The following ZNF827 variants were observed in gnomAD, a reference collection of about 807,000 sequenced individuals.
The protein encoded by ZNF827 is zinc finger protein 827.
Under a neutral mutation model 102.4 loss-of-function variants are expected in ZNF827, and 13 were observed. That is an observed-to-expected ratio of 0.13 (90% CI 0.08 to 0.20). ZNF827 has a LOEUF of 0.20. Ranked by LOEUF, ZNF827 falls within the 10% of genes least tolerant of loss-of-function variation. The pLI is 1.00. For synonymous variants in ZNF827, 523 were observed against 536.2 expected, an observed-to-expected ratio of 0.98 and a Z score of 0.34; for missense variants, 1,103 against 1,344.4, an observed-to-expected ratio of 0.82 and a Z score of 2.81.
chr4:145,814,708 G>C (rs1050209253), intron 8 of ZNF827, among the ~76,000 whole-genome samples: 1 of 147,520 alleles, frequency 6.8e-6, no homozygotes, highest in African/African-American at 2.5e-5. Context: ...CGGATCACCT[G>C]AAGTCAGGAG....
chr4:145,902,536 G>A lies in ZNF827; in HGVS notation c.723C>T (p.Ser241=), dbSNP rs1751509072. The A allele has an allele frequency of 6.2e-7, 1 of 1,614,014 alleles. No individual in the cohort carries two copies. Among genetic ancestry groups the A allele is most frequent in the African/African-American group, 1.3e-5 (1 of 74,902 alleles). Reference sequence around the variant, plus strand: ...TGGCAGACTGGGAGCTAAAAGGGGAGGAAAAGGACTCAAATCGCATGGTCT... The same window carrying A: ...TGGCAGACTGGGAGCTAAAAGGGGAAGAAAAGGACTCAAATCGCATGGTCT... ...TEETMRFESF[S]SPFSSQSASS... is the part of the protein sequence containing the mutation. Residue 241 remains serine, a synonymous_variant, in exon 2 of 15, where the codon TCC becomes TCT. Transcript: ENST00000508784. The surrounding 1 kb of genome is among the most constrained non-coding windows in gnomAD (Gnocchi z 4.3).
Position 145,917,266 on chromosome 4 carries a change from A to G in ZNF827, c.44-14051T>C, listed in dbSNP as rs76781796. 3.0e-3 allele frequency among the ~76,000 whole-genome samples: 457 copies of G among 152,314 alleles called. 3 individuals carry two copies. Among genetic ancestry groups the G allele is most frequent in the Non-Finnish European group, 5.4e-3 (365 of 68,026 alleles). ...GTCTCAGTCCATTTTATGTTGCTAT[A>G]ACAAAACACGCACGACCAGATAATT... On this transcript the variant is annotated intron_variant, in intron 1 of 14. Coordinates refer to ENST00000508784, the MANE Select transcript of ZNF827 (RefSeq NM_001306215.2).
At chr4:145,937,057 G>C (rs573454759) in intron 1 of ZNF827, among the ~76,000 whole-genome samples, 1 of 151,702 alleles carries the variant, frequency 6.6e-6, no homozygotes, top group Non-Finnish European at 1.5e-5. Flanking sequence ...GGGCGGCCCC[G>C]GGGGATATTT....
chr4:145,759,789 A>C lies in ZNF827; in HGVS notation c.*1827T>G, dbSNP rs774520459. 5 of 152,008 alleles carry C rather than the reference A, an allele frequency of 3.3e-5. No individual in the cohort carries two copies. Among genetic ancestry groups the C allele is most frequent in the Non-Finnish European group, 7.4e-5 (5 of 68,022 alleles). 9.4% of individuals were successfully genotyped at this position (152,008 alleles called of 1,614,324 possible). A position where few individuals can be genotyped will look rare whatever the true frequency, so the allele number is the denominator to read the frequency against. ...GTCTGAGCATTTATACCCAGAATTTATCCAAACCCCTTTTAATCTCCTTGG... is the reference window on the plus strand; with the variant it reads ...GTCTGAGCATTTATACCCAGAATTTCTCCAAACCCCTTTTAATCTCCTTGG... On this transcript the variant is annotated 3_prime_UTR_variant, in exon 15 of 15. Transcript: ENST00000508784.
intron 7 of ZNF827, among the ~76,000 whole-genome samples, chr4:145,828,215 AG>A (rs147655214): frequency 0.01 from 1,597 of 152,304 alleles, 23 homozygotes; most frequent in African/African-American, 0.036. Context: ...GTTCCAGAAA[AG>A]GAGCCAGTTT....
chr4:145,915,808 C>T (rs1752627626), intron 1 of ZNF827, among the ~76,000 whole-genome samples: 1 of 152,208 alleles, frequency 6.6e-6, no homozygotes, highest in African/African-American at 2.4e-5. Flanking sequence ...ACAAATTTCC[C>T]TCCAGCTGTA....
intron 9 of ZNF827, among the ~76,000 whole-genome samples, chr4:145,777,322 C>G (rs545414424): frequency 6.6e-6 from 1 of 152,270 alleles, no homozygotes; most frequent in Admixed American, 6.5e-5. Context: ...AACTGTGGAG[C>G]TTTTTAAATC....
At chr4:145,836,131 C>G (rs987077036) in intron 7 of ZNF827, among the ~76,000 whole-genome samples, 4 of 152,000 alleles carry the variant, frequency 2.6e-5, no homozygotes, top group African/African-American at 9.7e-5. Context: ...CAGACAGCCC[C>G]CGTTACTTCA....
rs532504468 is a variant in ZNF827, at chr4:145,758,058, A to G, written c.*3558T>C. ...AACTGCAAACCAAATTCAGGGGTACATATTTTCTAGGGTGGAGTCTGAAAA... is the reference window on the plus strand; with the variant it reads ...AACTGCAAACCAAATTCAGGGGTACGTATTTTCTAGGGTGGAGTCTGAAAA... On this transcript the variant is annotated 3_prime_UTR_variant, in exon 15 of 15. Transcript: ENST00000508784. 1.6e-4 allele frequency: 25 copies of G among 152,320 alleles called. No homozygotes were observed. The highest frequency in any genetic ancestry group is 5.5e-4 in the African/African-American group (23 of 41,576). 9.4% of individuals were successfully genotyped at this position (152,320 alleles called of 1,614,324 possible). A position where few individuals can be genotyped will look rare whatever the true frequency, so the allele number is the denominator to read the frequency against.
chr4:145,934,718 C>A (rs570006252), intron 1 of ZNF827, among the ~76,000 whole-genome samples: 1 of 152,256 alleles, frequency 6.6e-6, no homozygotes, highest in East Asian at 1.9e-4. Flanking sequence ...CTTTGTAGAT[C>A]CAGACTGTGT....
At chr4:145,897,787 G>A (rs545171549) in intron 2 of ZNF827, among the ~76,000 whole-genome samples, 1 of 152,296 alleles carries the variant, frequency 6.6e-6, no homozygotes, top group East Asian at 1.9e-4. Context: ...ATGACGGACA[G>A]TTCTAAAAAT....
rs912907222 is a variant in ZNF827 at position 145,762,378 on chromosome 4, T to C, written c.*17+712A>G. Reference sequence around the variant, plus strand: ...ACTGCTATCTGGAGCTCGAAGACATTATTAATACATGATTATGCCGGAGAT... The same window carrying C: ...ACTGCTATCTGGAGCTCGAAGACATCATTAATACATGATTATGCCGGAGAT... On this transcript the variant is annotated intron_variant, in intron 14 of 14. Coordinates refer to ENST00000508784, the MANE Select transcript of ZNF827 (RefSeq NM_001306215.2). This position sits in a 1 kb window ranked among gnomAD's most constrained non-coding sequence, Gnocchi z 4.9. 6.6e-6 allele frequency among the ~76,000 whole-genome samples: 1 copy of C among 152,092 alleles called. No individual in the cohort carries two copies. Among genetic ancestry groups the C allele is most frequent in the Non-Finnish European group, 1.5e-5 (1 of 68,030 alleles).
Position 145,760,719 on chromosome 4 carries a change from GGTTT to G in ZNF827, c.*893_*896del. 1.2e-6 allele frequency: 1 copy of G among 845,942 alleles called. No individual in the cohort carries two copies. The highest frequency in any genetic ancestry group is 1.4e-6 in the Non-Finnish European group (1 of 710,904). The allele number at this position is 845,942 out of a possible 1,614,324, so 52.4% of individuals were successfully genotyped here. ...TGCTGGGGTTGTGTTTAAGTTTTGT[GGTTT>G]TTTTTTTTTTTTTTGTCTTTTGTCT... is the stretch of plus-strand genomic sequence containing the variant. On this transcript the variant is annotated 3_prime_UTR_variant, in exon 15 of 15. Coordinates refer to ENST00000508784, the MANE Select transcript of ZNF827 (RefSeq NM_001306215.2).
chr4:145,910,853 T>C (rs1341594310), intron 1 of ZNF827, among the ~76,000 whole-genome samples: 1 of 152,216 alleles, frequency 6.6e-6, no homozygotes, highest in Non-Finnish European at 1.5e-5. Flanking sequence ...AACAGCCACA[T>C]GCTTAATTCC....
rs536589578 is a variant in ZNF827 at position 145,861,011 on chromosome 4, C to T, written c.1981+9234G>A. The stretch of plus-strand genomic sequence containing the variant: ...GCGCTGAGTAGCCCCTGCCCCACCA[C>T]GCAGTAGAGCCCTTGCCCAGTGGGT... On this transcript the variant is annotated intron_variant, in intron 5 of 14. Transcript: ENST00000508784. Among the ~76,000 whole-genome samples the T allele has an allele frequency of 3.9e-5, 6 of 152,330 alleles. No homozygotes were observed. In the South Asian group the frequency reaches 6.2e-4, roughly 16 times the overall value.
At chr4:145,864,215 T>C (rs1002804654) in intron 5 of ZNF827, among the ~76,000 whole-genome samples, 14 of 151,654 alleles carry the variant, frequency 9.2e-5, no homozygotes, top group African/African-American at 3.2e-4. Flanking sequence ...TACACAGTTT[T>C]TAAAATGAGA....
chr4:145,907,622 C>T (rs535865359), intron 1 of ZNF827, among the ~76,000 whole-genome samples: 2 of 152,298 alleles, frequency 1.3e-5, no homozygotes, highest in South Asian at 2.1e-4. Flanking sequence ...GTACAGTGAC[C>T]GTGGATTTCA....
At chr4:145,780,786 G>C (rs1737859040) in intron 8 of ZNF827, among the ~76,000 whole-genome samples, 1 of 152,206 alleles carries the variant, frequency 6.6e-6, no homozygotes, top group African/African-American at 2.4e-5. Context: ...TTAATATCTT[G>C]TCTTTTACCT....
chr4:145,797,351 TA>T (rs2127088789), intron 8 of ZNF827, among the ~76,000 whole-genome samples: 1 of 152,298 alleles, frequency 6.6e-6, no homozygotes, highest in East Asian at 1.9e-4. Context: ...TAGGAAAAAT[TA>T]TTTTAGGAAG....
Sources: allele counts gnomAD v4.1 joint callset (sites outside exome capture counted in the v4.1 genomes callset), GRCh38; gene constraint gnomAD v4.1.1; non-coding constraint Gnocchi (gnomAD v3.1); transcripts MANE v1.5; gene names NCBI Gene and HGNC (gene_info 2026-07-23, HGNC 2026-07-21).